The following TMEM108 variants were observed in gnomAD, a reference collection of about 807,000 sequenced individuals.
TMEM108 encodes the protein cancer/testis antigen 124.
TMEM108 carries 12 observed loss-of-function variants against 35.1 expected under a neutral mutation model. The observed-to-expected ratio is 0.34, with a 90% confidence interval of 0.22 to 0.55. TMEM108 has a LOEUF of 0.55. TMEM108 is among the 20% of genes least tolerant of loss of function. TMEM108 has a pLI of 0.89. For missense variants in TMEM108, 680 were observed against 753.3 expected, an observed-to-expected ratio of 0.90 and a Z score of 1.14; for synonymous variants, 287 against 308.6, an observed-to-expected ratio of 0.93 and a Z score of 0.73.
intron 3 of TMEM108, among the ~76,000 whole-genome samples, chr3:133,242,745 T>C (rs1946330873): frequency 6.6e-6 from 1 of 152,210 alleles, no homozygotes; most frequent in South Asian, 2.1e-4. Context: ...TGTCCTGTGA[T>C]CAGTGAGTCA....
At chr3:133,049,178 G>C (rs903153255) in intron 2 of TMEM108, among the ~76,000 whole-genome samples, 2 of 152,194 alleles carry the variant, frequency 1.3e-5, no homozygotes, top group Non-Finnish European at 2.9e-5. Context: ...ACATATATAA[G>C]CTTTTCTTGT....
chr3:133,178,134 C>T (rs1452384084), intron 2 of TMEM108, among the ~76,000 whole-genome samples: 1 of 152,150 alleles, frequency 6.6e-6, no homozygotes, highest in Non-Finnish European at 1.5e-5. Context: ...TCAAGGAGAA[C>T]TACAAACCAC....
intron 3 of TMEM108, among the ~76,000 whole-genome samples, chr3:133,288,405 T>G (rs1947014568): frequency 6.6e-6 from 1 of 152,202 alleles, no homozygotes; most frequent in Non-Finnish European, 1.5e-5. Flanking sequence ...AAGCTTGATG[T>G]GACTTGGTTG....
chr3:133,191,013 AG>A (rs77620689), intron 2 of TMEM108, among the ~76,000 whole-genome samples: 29,254 of 151,432 alleles, frequency 0.19, 3,077 homozygotes, highest in East Asian at 0.47. Flanking sequence ...TTCTTAGCAA[AG>A]AAAAAAAAAG....
chr3:133,119,255 A>G (rs1576328205), intron 2 of TMEM108: 1 of 152,190 alleles, frequency 6.6e-6, no homozygotes, highest in African/African-American at 2.4e-5. Flanking sequence ...AAAGAGGGAA[A>G]AAAGAGTAGG....
intron 5 of TMEM108, among the ~76,000 whole-genome samples, chr3:133,394,802 C>A (rs1272808418): frequency 6.7e-6 from 1 of 148,832 alleles, no homozygotes; most frequent in Non-Finnish European, 1.5e-5. Flanking sequence ...TTCTTCCTTA[C>A]CTTATGATTC....
chr3:133,055,790 C>T (rs1432918105), intron 2 of TMEM108, among the ~76,000 whole-genome samples: 2 of 152,174 alleles, frequency 1.3e-5, no homozygotes, highest in African/African-American at 2.4e-5. Context: ...CCATCACAGA[C>T]AAGGAAGAAG....
chr3:133,178,855 C>T (rs1045952555), intron 2 of TMEM108, among the ~76,000 whole-genome samples: 6 of 152,042 alleles, frequency 3.9e-5, no homozygotes, highest in Admixed American at 1.3e-4. Context: ...AAGAAACTAC[C>T]ATCAGAGTGA....
chr3:133,337,993 A>T (rs2071546647), intron 3 of TMEM108, among the ~76,000 whole-genome samples: 1 of 152,210 alleles, frequency 6.6e-6, no homozygotes, highest in African/African-American at 2.4e-5. Flanking sequence ...AGGCTATTTA[A>T]AAATACACGT....
chr3:133,167,858 G>C (rs1184461640), intron 2 of TMEM108, among the ~76,000 whole-genome samples: 22 of 152,158 alleles, frequency 1.4e-4, no homozygotes, highest in Admixed American at 1.4e-3. Context: ...GCGGCGGGCT[G>C]GGCTCCTCAA....
intron 2 of TMEM108, among the ~76,000 whole-genome samples, chr3:133,049,505 A>G (rs1402265585): frequency 6.6e-6 from 1 of 152,136 alleles, no homozygotes. Context: ...TTGTTATAAC[A>G]AGACCTCAAC....
intron 3 of TMEM108, chr3:133,247,479 T>C (rs1946403119): frequency 6.6e-6 from 1 of 152,132 alleles, no homozygotes; most frequent in Non-Finnish European, 1.5e-5. Context: ...TCCTGAGTGT[T>C]AAGGAAATAG....
At chr3:133,064,390 A>C (rs2107684392) in intron 2 of TMEM108, among the ~76,000 whole-genome samples, 1 of 152,324 alleles carries the variant, frequency 6.6e-6, no homozygotes, top group East Asian at 1.9e-4. Flanking sequence ...CTCCTTGTGG[A>C]CAGATGCGTG....
chr3:133,150,789 G>C (rs1180345372), intron 2 of TMEM108, among the ~76,000 whole-genome samples: 8 of 152,058 alleles, frequency 5.3e-5, no homozygotes, highest in Non-Finnish European at 8.8e-5. Flanking sequence ...AGTGAACATC[G>C]ATCCAATAAG....
chr3:133,364,453 A>G (rs969465405), intron 3 of TMEM108, among the ~76,000 whole-genome samples: 46 of 152,256 alleles, frequency 3.0e-4, no homozygotes, highest in African/African-American at 1.1e-3. Context: ...CCATCACTGT[A>G]TATGACTGAG....
intron 2 of TMEM108, among the ~76,000 whole-genome samples, chr3:133,065,072 G>A (rs79146053): frequency 0.022 from 3,348 of 152,248 alleles, 133 homozygotes; most frequent in African/African-American, 0.076. Flanking sequence ...ACATGGTGAA[G>A]TTGGGGAAAC....
chr3:133,392,307 C>A (rs939386449), intron 5 of TMEM108, among the ~76,000 whole-genome samples: 1 of 152,014 alleles, frequency 6.6e-6, no homozygotes, highest in African/African-American at 2.4e-5. Context: ...GGACTACAAG[C>A]ACACGCGACC....
chr3:133,264,462 T>C (rs2107677623), intron 3 of TMEM108, among the ~76,000 whole-genome samples: 1 of 152,368 alleles, frequency 6.6e-6, no homozygotes, highest in South Asian at 2.1e-4. Flanking sequence ...TTCTATTAAC[T>C]TGAAACTGTG....
intron 2 of TMEM108, among the ~76,000 whole-genome samples, chr3:133,072,462 A>C (rs542848547): frequency 1.3e-5 from 2 of 152,072 alleles, no homozygotes; most frequent in East Asian, 3.9e-4. Flanking sequence ...ATAATATAAT[A>C]TAAATTATTA....
Sources: allele counts gnomAD v4.1 joint callset (sites outside exome capture counted in the v4.1 genomes callset), GRCh38; gene constraint gnomAD v4.1.1; transcripts MANE v1.5; gene names NCBI Gene and HGNC (gene_info 2026-07-23, HGNC 2026-07-21).